Variants in MRPL48 observed in about 807,000 individuals in gnomAD.
MRPL48 encodes the protein large ribosomal subunit protein mL48.
MRPL48 carries 16 observed loss-of-function variants against 32.9 expected under a neutral mutation model. That is an observed-to-expected ratio of 0.49 (90% CI 0.33 to 0.74). The LOEUF (loss-of-function observed/expected upper bound fraction) is 0.74. Ranked by LOEUF, MRPL48 falls within the 30% of genes least tolerant of loss-of-function variation. MRPL48 has a pLI of 0.02. For missense variants in MRPL48, 206 were observed against 245.3 expected, an observed-to-expected ratio of 0.84 and a Z score of 1.07; for synonymous variants, 94 against 89.2, an observed-to-expected ratio of 1.05 and a Z score of -0.31.
At chr11:73,826,354 T>G (rs538330884) in intron 4 of MRPL48, among the ~76,000 whole-genome samples, 3 of 152,264 alleles carry the variant, frequency 2.0e-5, no homozygotes, top group African/African-American at 7.2e-5. Context: ...AAAAAAAATC[T>G]TCCTAGTAGT....
intron 3 of MRPL48, among the ~76,000 whole-genome samples, chr11:73,814,998 A>ATAAATAAG: frequency 6.6e-6 from 1 of 150,626 alleles, no homozygotes; most frequent in South Asian, 2.1e-4. Flanking sequence ...GGTCTCATAA[A>ATAAATAAG]TAAATAAATA....
At chr11:73,839,610 C>T (rs903526416) in intron 4 of MRPL48, among the ~76,000 whole-genome samples, 2 of 151,974 alleles carry the variant, frequency 1.3e-5, no homozygotes, top group East Asian at 1.9e-4. Flanking sequence ...CCCTATTTCA[C>T]GCCACACACA....
chr11:73,808,001 C>A (rs1481979063), intron 2 of MRPL48, among the ~76,000 whole-genome samples: 1 of 152,168 alleles, frequency 6.6e-6, no homozygotes, highest in African/African-American at 2.4e-5. Context: ...AGTGACCATA[C>A]TTTCCTTTGT....
intron 3 of MRPL48, among the ~76,000 whole-genome samples, chr11:73,811,849 C>A (rs1480254516): frequency 6.6e-6 from 1 of 152,102 alleles, no homozygotes; most frequent in East Asian, 1.9e-4. Flanking sequence ...TTAAACTGTA[C>A]AAAAGTGTAT....
At chr11:73,796,635 G>A (rs1947258430) in intron 1 of MRPL48, among the ~76,000 whole-genome samples, 1 of 152,212 alleles carries the variant, frequency 6.6e-6, no homozygotes, top group Admixed American at 6.5e-5. Context: ...CCACCTTCAG[G>A]CCAGGGAGTG....
At chr11:73,805,232 A>G (rs1016278687) in intron 2 of MRPL48, among the ~76,000 whole-genome samples, 153 bp downstream of exon 2, 1 of 150,992 alleles carries the variant, frequency 6.6e-6, no homozygotes, top group Non-Finnish European at 1.5e-5. Context: ...CTCAGTTAAT[A>G]GCATCTCCAT....
chr11:73,860,852 T>C (rs183854334), intron 6 of MRPL48, among the ~76,000 whole-genome samples: 1 of 152,318 alleles, frequency 6.6e-6, no homozygotes, highest in East Asian at 1.9e-4. Flanking sequence ...AACCGTGTAC[T>C]CATTAGCAGT....
At chr11:73,817,073 T>A (rs1947691405) in intron 3 of MRPL48, among the ~76,000 whole-genome samples, 2 of 150,950 alleles carry the variant, frequency 1.3e-5, no homozygotes, top group African/African-American at 4.9e-5. Context: ...CTCAGGTGGT[T>A]CACCCGCTTG....
intron 5 of MRPL48, among the ~76,000 whole-genome samples, chr11:73,853,680 CTTTTTTTTTTTTTTTTTT>C (rs58486952): frequency 1.3e-5 from 1 of 79,118 alleles, no homozygotes; most frequent in African/African-American, 5.1e-5. Flanking sequence ...GAGATAGCTT[CTTTTTTTTTTTTTTTTTT>C]TTTTTTTTTT....
chr11:73,812,717 A>AATATATATATATATATATATAT (rs370608269), intron 3 of MRPL48, among the ~76,000 whole-genome samples: 16 of 135,554 alleles, frequency 1.2e-4, no homozygotes, highest in Admixed American at 6.0e-4. Flanking sequence ...CCCATGTCTA[A>AATATATATATATATATATATAT]ATATATATAT....
At position 73,847,765 on chromosome 11, in the gene MRPL48, A is replaced by T. The variant is rs150512758; in HGVS notation, c.371+2789A>T. Among the ~76,000 whole-genome samples, 1,499 of 152,172 alleles carry T rather than the reference A, an allele frequency of 9.9e-3. 22 individuals are homozygous for T. Among genetic ancestry groups the T allele is most frequent in the Middle Eastern group, 0.037 (11 of 294 alleles). On this transcript the variant is annotated intron_variant, in intron 5 of 7. Coordinates refer to ENST00000310614, the MANE Select transcript of MRPL48 (RefSeq NM_016055.6). The stretch of plus-strand genomic sequence containing the variant: ...GGCCTAATTTTTGTATTTTTAATAG[A>T]GATGGGATTTCACCATGTTGGTCAG...
chr11:73,864,154 T>C (rs2135097727), intron 7 of MRPL48, 142 bp from the exon 8 acceptor site: 1 of 662,230 alleles, frequency 1.5e-6, no homozygotes, highest in Admixed American at 2.8e-5. Flanking sequence ...ATAAGTCTGC[T>C]ACATAGTAGA....
At position 73,805,007 on chromosome 11, in the gene MRPL48, A is replaced by T; in HGVS notation, c.22-20A>T. Reference sequence around the variant, plus strand: ...TCTATAAATGCTTAAGATTGTCCTAACATGGCTGTTTTGCTGTAGGTGCTG... The same window carrying T: ...TCTATAAATGCTTAAGATTGTCCTATCATGGCTGTTTTGCTGTAGGTGCTG... On this transcript the variant is annotated intron_variant, in intron 1 of 7. Coordinates refer to ENST00000310614, the MANE Select transcript of MRPL48 (RefSeq NM_016055.6). 1 of 1,581,302 alleles carries T rather than the reference A, an allele frequency of 6.3e-7. No homozygotes were observed. Among genetic ancestry groups the T allele is most frequent in the Non-Finnish European group, 8.6e-7 (1 of 1,162,282 alleles).
At chr11:73,812,842 T>C (rs555797678) in intron 3 of MRPL48, among the ~76,000 whole-genome samples, 143 of 151,274 alleles carry the variant, frequency 9.5e-4, no homozygotes, top group African/African-American at 3.4e-3. Flanking sequence ...CTCCACCTCC[T>C]GGGTTCAAGA....
At chr11:73,850,243 A>T (rs981378686) in intron 5 of MRPL48, among the ~76,000 whole-genome samples, 90 of 146,002 alleles carry the variant, frequency 6.2e-4, no homozygotes, top group East Asian at 2.9e-3. Context: ...AATAACAAAA[A>T]TTTTTTTTTT....
chr11:73,825,909 C>T lies in MRPL48; in HGVS notation c.201+113C>T, dbSNP rs148842202. The T allele has an allele frequency of 1.1e-3, 1,000 of 898,688 alleles. 6 individuals are homozygous for T. The highest frequency in any genetic ancestry group is 0.011 in the African/African-American group (620 of 58,274). The allele number at this position is 898,688 out of a possible 1,614,324, so 55.7% of individuals were successfully genotyped here. A position where few individuals can be genotyped will look rare whatever the true frequency, so the allele number is the denominator to read the frequency against. On this transcript the variant is annotated intron_variant, in intron 4 of 7. Coordinates refer to ENST00000310614, the MANE Select transcript of MRPL48 (RefSeq NM_016055.6). The stretch of plus-strand genomic sequence containing the variant: ...TTGGAGCTAGAAATGATAAAGTTGC[C>T]TCTCAATCCTTGCCAGTTATTAATT...
At chr11:73,842,988 T>C (rs1187831774) in intron 4 of MRPL48, 1 of 151,552 alleles carries the variant, frequency 6.6e-6, no homozygotes, top group South Asian at 2.1e-4. Flanking sequence ...ATTAAGAAAA[T>C]TTTTTTTGTA....
intron 7 of MRPL48, among the ~76,000 whole-genome samples, chr11:73,863,509 C>T (rs908471363): frequency 6.6e-6 from 1 of 152,104 alleles, no homozygotes; most frequent in Admixed American, 6.6e-5. Context: ...TGGTGGTGAG[C>T]CTATGAGGCC....
At chr11:73,855,728 C>T (rs2135079568) in intron 5 of MRPL48, among the ~76,000 whole-genome samples, 1 of 152,284 alleles carries the variant, frequency 6.6e-6, no homozygotes, top group African/African-American at 2.4e-5. Context: ...CCTCGTGATC[C>T]ACCTGCCTCG....
Sources: allele counts gnomAD v4.1 joint callset (sites outside exome capture counted in the v4.1 genomes callset), GRCh38; gene constraint gnomAD v4.1.1; transcripts MANE v1.5; gene names NCBI Gene and HGNC (gene_info 2026-07-23, HGNC 2026-07-21).